ROBO2: variants seen among roughly 807,000 people sequenced by gnomAD.
The protein encoded by ROBO2 is roundabout homolog 2.
Under a neutral mutation model 160.8 loss-of-function variants are expected in ROBO2, and 53 were observed. That is an observed-to-expected ratio of 0.33 (90% confidence interval 0.26 to 0.41). The LOEUF is 0.41. Ranked by LOEUF, ROBO2 falls within the 10% of genes least tolerant of loss-of-function variation. The pLI, the probability that ROBO2 is intolerant of heterozygous loss-of-function variation, is 1.00. For missense variants in ROBO2, 1,577 were observed against 1,722.4 expected (o/e 0.92, Z 1.49); for synonymous variants, 664 against 611.7 (o/e 1.09, Z -1.26).
intron 2 of ROBO2, among the ~76,000 whole-genome samples, chr3:77,156,361 C>T (rs891364201): frequency 6.6e-6 from 1 of 151,998 alleles, no homozygotes; most frequent in Admixed American, 6.6e-5. Flanking sequence ...TTGTATTTTT[C>T]ATAATTAAAT....
chr3:77,522,320 C>A (rs2090685910), intron 5 of ROBO2, among the ~76,000 whole-genome samples: 1 of 151,052 alleles, frequency 6.6e-6, no homozygotes, highest in Non-Finnish European at 1.5e-5. Flanking sequence ...GTCAATTTGC[C>A]AACAAATAAG....
chr3:76,983,438 A>T (rs1436789805), intron 2 of ROBO2, among the ~76,000 whole-genome samples: 1 of 152,192 alleles, frequency 6.6e-6, no homozygotes, highest in Non-Finnish European at 1.5e-5. Flanking sequence ...ATTTCTCTAA[A>T]CTAAATAAAG....
At chr3:77,186,871 A>G (rs2081331693) in intron 2 of ROBO2, among the ~76,000 whole-genome samples, 1 of 152,028 alleles carries the variant, frequency 6.6e-6, no homozygotes, top group South Asian at 2.1e-4. Context: ...TTATTTATAG[A>G]TTGAACTGGC....
chr3:77,622,334 C>G (rs1040221056), exon 23 of ROBO2: 2 of 1,614,016 alleles, frequency 1.2e-6, no homozygotes, highest in African/African-American at 2.7e-5. Flanking sequence ...GATGATGATG[C>G]CGACGACGAA....
intron 2 of ROBO2, among the ~76,000 whole-genome samples, chr3:76,913,838 T>G (rs567460511): frequency 1.1e-3 from 169 of 152,096 alleles, no homozygotes; most frequent in Non-Finnish European, 2.1e-3. Flanking sequence ...CTCCTTTAGA[T>G]GAGTAACTGT....
rs552241663 is a variant in ROBO2 at position 76,111,801 on chromosome 3, ACTCT to A, written c.109+174210_109+174213del. ...GCTATAAAGCTGCATGAGGGCAGCG[ACTCT>A]CTCTCTCTCTTTCTCTCTCCCTGTC... On this transcript the variant is annotated intron_variant, in intron 2 of 26. Transcript: ENST00000487694. 1.3e-4 allele frequency among the ~76,000 whole-genome samples: 19 copies of A among 146,476 alleles called. No individual in the cohort carries two copies. In the East Asian group the frequency reaches 3.4e-3, roughly 26 times the overall value.
chr3:76,915,243 T>C (rs1412814700), intron 2 of ROBO2, among the ~76,000 whole-genome samples: 1 of 152,126 alleles, frequency 6.6e-6, no homozygotes, highest in Non-Finnish European at 1.5e-5. Flanking sequence ...AGCAAATAAT[T>C]CACTGTGAAA....
intron 2 of ROBO2, among the ~76,000 whole-genome samples, chr3:76,207,465 A>C (rs1482206471): frequency 5.3e-5 from 8 of 152,150 alleles, no homozygotes. Flanking sequence ...GCTATCTTTA[A>C]ATTAATTTGA....
At chr3:77,553,116 G>A (rs1237982427) in intron 8 of ROBO2, among the ~76,000 whole-genome samples, 1 of 151,922 alleles carries the variant, frequency 6.6e-6, no homozygotes, top group Non-Finnish European at 1.5e-5. Flanking sequence ...CTAACATCAT[G>A]TGCTCACATT....
At chr3:75,952,354 A>C (rs896609474) in intron 2 of ROBO2, among the ~76,000 whole-genome samples, 55 of 151,980 alleles carry the variant, frequency 3.6e-4, no homozygotes, top group African/African-American at 1.3e-3. Flanking sequence ...TTATAACATA[A>C]AGAATGAAAC....
chr3:77,378,250 C>T (rs1329616316), intron 2 of ROBO2, among the ~76,000 whole-genome samples: 2 of 152,106 alleles, frequency 1.3e-5, no homozygotes, highest in Non-Finnish European at 2.9e-5. Flanking sequence ...GAAGGTTCAG[C>T]TAATATTTTG....
At position 77,523,046 on chromosome 3, in the gene ROBO2, T is replaced by C. The variant is rs2090774776; in HGVS notation, c.934+144T>C. 4.5e-6 allele frequency: 4 copies of C among 886,454 alleles called. No homozygotes were observed. In the East Asian group the frequency reaches 1.0e-4, roughly 23 times the overall value. The allele number at this position is 886,454 out of a possible 1,614,324, so 54.9% of individuals were successfully genotyped here. A position where few individuals can be genotyped will look rare whatever the true frequency, so the allele number is the denominator to read the frequency against. On this transcript the variant is annotated intron_variant, in intron 6 of 25. Coordinates refer to ENST00000461745, the Ensembl canonical transcript of ROBO2. Reference sequence around the variant, plus strand: ...GATTTTGTGTCCTCTCTATCATTAGTTGAAATAAAATTACTTTCAATATTT... The same window carrying C: ...GATTTTGTGTCCTCTCTATCATTAGCTGAAATAAAATTACTTTCAATATTT...
Position 77,472,317 on chromosome 3 carries a change from C to T in ROBO2, c.389-5097C>T, listed in dbSNP as rs1351999309. Among the ~76,000 whole-genome samples the T allele has an allele frequency of 2.6e-5, 4 of 152,126 alleles. No individual in the cohort carries two copies. The East Asian group carries it at 5.8e-4, about 22-fold the overall frequency. ...ACAGAACAAGGGTCTATCACAGGCA[C>T]TGTCATGTCATTCTTGTTAATCTAT... On this transcript the variant is annotated intron_variant, in intron 2 of 25. Coordinates refer to ENST00000461745, the Ensembl canonical transcript of ROBO2.
At chr3:76,597,754 T>C (rs1050616604) in intron 2 of ROBO2, among the ~76,000 whole-genome samples, 5 of 152,006 alleles carry the variant, frequency 3.3e-5, no homozygotes, top group African/African-American at 1.2e-4. Context: ...TTCATGTGTT[T>C]TCATCATTTA....
intron 2 of ROBO2, among the ~76,000 whole-genome samples, chr3:77,245,610 A>G (rs370495552): frequency 3.3e-4 from 50 of 152,170 alleles, no homozygotes; most frequent in African/African-American, 1.1e-3. Flanking sequence ...TCAACTCTCC[A>G]AAGGATGAAG....
At chr3:77,536,220 C>A (rs770659079) in intron 6 of ROBO2, among the ~76,000 whole-genome samples, 2 of 152,160 alleles carry the variant, frequency 1.3e-5, no homozygotes, top group Non-Finnish European at 2.9e-5. Flanking sequence ...TAGACTGCCA[C>A]AGGCCACAAA....
rs1559627406 is a variant in ROBO2, at chr3:76,192,531, CACA to C, written c.109+254930_109+254932del. The stretch of plus-strand genomic sequence containing the variant: ...TTTGCGTCCAACACTCCACCACACA[CACA>C]CACACACACACACACACACACACAC... On this transcript the variant is annotated intron_variant, in intron 2 of 26. Transcript: ENST00000487694. Among the ~76,000 whole-genome samples the C allele has an allele frequency of 2.4e-3, 263 of 109,770 alleles. 2 individuals carry two copies. Among genetic ancestry groups the C allele is most frequent in the East Asian group, 0.017 (52 of 3,100 alleles). The allele number at this position is 109,770 out of a possible 152,430, so 72.0% of individuals were successfully genotyped here.
At chr3:76,178,962 A>G (rs2073329979) in intron 2 of ROBO2, among the ~76,000 whole-genome samples, 2 of 152,258 alleles carry the variant, frequency 1.3e-5, no homozygotes, top group Admixed American at 6.5e-5. Context: ...ATAAATAAAT[A>G]AAAAGGAACC....
At chr3:77,366,008 T>C (rs2070812692) in intron 2 of ROBO2, among the ~76,000 whole-genome samples, 1 of 152,134 alleles carries the variant, frequency 6.6e-6, no homozygotes, top group East Asian at 1.9e-4. Context: ...AAATTCAGCA[T>C]CAAAAGCAGA....
Sources: gnomAD v4.1 joint callset for allele counts (sites outside exome capture counted in the v4.1 genomes callset) on GRCh38, gnomAD v4.1.1 for gene constraint, MANE v1.5 for transcripts, NCBI Gene and HGNC (gene_info 2026-07-23, HGNC 2026-07-21) for gene names.